RPL31: variants seen among roughly 807,000 people sequenced by gnomAD.
RPL31 encodes the protein ribosomal protein L31.
For missense variants in RPL31, 95 were observed against 164.0 expected (o/e 0.58, Z 2.30); for synonymous variants, 51 against 55.0 (o/e 0.93, Z 0.32).
intron 4 of RPL31, chr2:101,017,855 T>C: frequency 1.3e-6 from 2 of 1,550,842 alleles, no homozygotes; most frequent in Non-Finnish European, 1.7e-6. Flanking sequence ...CAATTCCCAA[T>C]TAGGTCTTCA....
At chr2:101,012,554 T>C (rs1329147205) in intron 4 of RPL31, among the ~76,000 whole-genome samples, 3 of 151,962 alleles carry the variant, frequency 2.0e-5, no homozygotes, top group Non-Finnish European at 2.9e-5. Flanking sequence ...GCTAAAGATA[T>C]GACATTTATT....
Position 101,006,396 on chromosome 2 carries a change from A to C in RPL31, c.*15A>C, listed in dbSNP as rs1290982404. On this transcript the variant is annotated 3_prime_UTR_variant, in exon 5 of 5. Coordinates refer to ENST00000264258, the MANE Select transcript of RPL31 (RefSeq NM_000993.5). ...ATGAGAACTAATCGCTGATCGTCAG[A>C]TCAAATAAAGTTATAAAATTGCCTT... The C allele has an allele frequency of 6.2e-7, 1 of 1,608,404 alleles. No homozygotes were observed. Among genetic ancestry groups the C allele is most frequent in the African/African-American group, 1.3e-5 (1 of 74,712 alleles).
At chr2:101,019,046 C>T (rs774073174) in exon 5 of RPL31, 8 of 1,610,504 alleles carry the variant, frequency 5.0e-6, no homozygotes, top group African/African-American at 1.3e-5. Flanking sequence ...TAAAGGGAGC[C>T]CTCCTGGAAG....
At chr2:101,009,949 G>T (rs1435366210), downstream of RPL31, among the ~76,000 whole-genome samples, 1 of 151,552 alleles carries the variant, frequency 6.6e-6, no homozygotes, top group Non-Finnish European at 1.5e-5. Context: ...AGCCTCCCGA[G>T]TAGCTGGGAC....
chr2:101,002,847 G>C, intron 2 of RPL31, 39 bp downstream of exon 2: 2 of 1,470,344 alleles, frequency 1.4e-6, no homozygotes, highest in Non-Finnish European at 9.5e-7. Context: ...TCGAACTCAC[G>C]CGTCTGGTTG....
downstream of RPL31, chr2:101,008,123 A>G (rs1372148803): frequency 3.1e-6 from 5 of 1,613,760 alleles, no homozygotes; most frequent in African/African-American, 6.7e-5. Flanking sequence ...CACTCCTGGG[A>G]GCAGCTTCCA....
chr2:101,010,881 CAAAAAA>C (rs35511736), downstream of RPL31: 1 of 1,305,920 alleles, frequency 7.7e-7, no homozygotes, highest in African/African-American at 1.8e-5. Flanking sequence ...GACTCCATCT[CAAAAAA>C]AAAAAAAAAA....
intron 4 of RPL31, 71 bp downstream of exon 4, chr2:101,006,142 C>T: frequency 1.3e-6 from 2 of 1,568,516 alleles, no homozygotes; most frequent in South Asian, 1.2e-5. Context: ...AATGTGAATT[C>T]ATCTGTTAAG....
Position 101,002,983 on chromosome 2 carries a change from C to T in RPL31, c.107+175C>T, listed in dbSNP as rs573875934. Reference sequence around the variant, plus strand: ...CCTCCGAATACATTCACAGTCTGACCAGCTGCATTGGTCTTTCTGACCGCC... The same window carrying T: ...CCTCCGAATACATTCACAGTCTGACTAGCTGCATTGGTCTTTCTGACCGCC... On this transcript the variant is annotated intron_variant, in intron 2 of 4. Transcript: ENST00000264258. Among the ~76,000 whole-genome samples the T allele has an allele frequency of 3.9e-5, 6 of 152,200 alleles. 1 individual carries two copies. In the South Asian group the frequency reaches 1.2e-3, roughly 32 times the overall value.
intron 4 of RPL31, chr2:101,018,883 T>A (rs1458803126): frequency 2.9e-6 from 4 of 1,375,422 alleles, no homozygotes; most frequent in African/African-American, 2.9e-5. Context: ...ATGGCCAATA[T>A]CCGTAGGTTT....
chr2:101,017,236 G>A (rs913909652), intron 4 of RPL31, among the ~76,000 whole-genome samples: 5 of 151,974 alleles, frequency 3.3e-5, no homozygotes, highest in Admixed American at 2.0e-4. Flanking sequence ...CTGGAATAGC[G>A]CCTGAAGGAC....
intron 4 of RPL31, chr2:101,018,049 C>T (rs546308943): frequency 2.0e-6 from 2 of 980,026 alleles, no homozygotes; most frequent in Admixed American, 2.6e-5. Flanking sequence ...TTTTCACTGA[C>T]AAATGTAATG....
chr2:101,010,188 A>G (rs1679099351), downstream of RPL31, among the ~76,000 whole-genome samples: 1 of 152,180 alleles, frequency 6.6e-6, no homozygotes, highest in Non-Finnish European at 1.5e-5. Context: ...GAAACAAACC[A>G]TATGGAACCT....
downstream of RPL31, among the ~76,000 whole-genome samples, chr2:101,009,438 T>C (rs1368646122): frequency 6.7e-6 from 1 of 149,574 alleles, no homozygotes; most frequent in African/African-American, 2.5e-5. Flanking sequence ...AATGCTTGGG[T>C]ACTAATATAA....
At chr2:101,007,577 T>G, downstream of RPL31, 1 of 498,322 alleles carries the variant, frequency 2.0e-6, no homozygotes. Flanking sequence ...TTTCAGCAAA[T>G]CCGGTAAAAA....
chr2:101,013,325 C>T (rs528949047), intron 4 of RPL31, among the ~76,000 whole-genome samples: 5 of 152,324 alleles, frequency 3.3e-5, no homozygotes, highest in African/African-American at 1.2e-4. Flanking sequence ...ATAGTAACTA[C>T]TAAGAATGCA....
At chr2:101,018,796 G>A (rs949167640) in intron 4 of RPL31, among the ~76,000 whole-genome samples, 4 of 152,146 alleles carry the variant, frequency 2.6e-5, no homozygotes, top group Non-Finnish European at 5.9e-5. Flanking sequence ...AGTTTGTTAT[G>A]TTTCTTTCCA....
chr2:101,011,613 T>C (rs1679219037), downstream of RPL31: 1 of 1,525,822 alleles, frequency 6.6e-7, no homozygotes, highest in Non-Finnish European at 9.0e-7. Flanking sequence ...TGTAGCTTTC[T>C]AGGCAACTAA....
chr2:101,007,825 A>AAGTT (rs1210476797), downstream of RPL31: 3 of 1,613,438 alleles, frequency 1.9e-6, no homozygotes, highest in South Asian at 2.2e-5. Flanking sequence ...GTCTTGCTAC[A>AAGTT]AGTTACTCAG....
Sources: gnomAD v4.1 joint callset for allele counts (sites outside exome capture counted in the v4.1 genomes callset) on GRCh38, gnomAD v4.1.1 for gene constraint, MANE v1.5 for transcripts, NCBI Gene and HGNC (gene_info 2026-07-23, HGNC 2026-07-21) for gene names.